The following KLHL32 variants were observed in gnomAD, a reference collection of about 807,000 sequenced individuals.
KLHL32 encodes kelch like family member 32.
Under a neutral mutation model 64.8 loss-of-function variants are expected in KLHL32, and 35 were observed. The ratio of observed to expected loss-of-function variants is 0.54; its 90% CI spans 0.41 to 0.72. KLHL32 has a LOEUF of 0.72. Ranked by LOEUF, KLHL32 falls within the 30% of genes least tolerant of loss-of-function variation. The pLI, the probability that KLHL32 is intolerant of heterozygous loss-of-function variation, is 0.00. For synonymous variants in KLHL32, 259 were observed against 281.0 expected (o/e 0.92, Z 0.78); for missense variants, 589 against 768.5 (o/e 0.77, Z 2.76).
intron 1 of KLHL32, among the ~76,000 whole-genome samples, chr6:96,930,307 A>G (rs1369149211): frequency 6.6e-6 from 1 of 152,192 alleles, no homozygotes; most frequent in Non-Finnish European, 1.5e-5. Context: ...AGTGCAAGGT[A>G]GCATGGCACA....
At chr6:96,959,622 AAC>A (rs1458190731) in intron 1 of KLHL32, among the ~76,000 whole-genome samples, 1 of 152,160 alleles carries the variant, frequency 6.6e-6, no homozygotes, top group Non-Finnish European at 1.5e-5. Context: ...CCAAATCTCC[AAC>A]ACAGTCACAT....
chr6:96,901,416 G>A, the KLHL32 span, among the ~76,000 whole-genome samples: 352 of 150,484 alleles, frequency 2.3e-3, 4 homozygotes, highest in Non-Finnish European at 4.2e-3. Context: ...TCACTTCATT[G>A]TCACATTTCC....
intron 3 of KLHL32, among the ~76,000 whole-genome samples, chr6:97,020,402 T>G (rs1055348439): frequency 2.0e-5 from 3 of 150,998 alleles, no homozygotes; most frequent in African/African-American, 7.4e-5. Context: ...CCAATAAACT[T>G]CAAAATCTTG....
At chr6:97,051,439 C>CA (rs1385908267) in intron 4 of KLHL32, among the ~76,000 whole-genome samples, 1 of 152,190 alleles carries the variant, frequency 6.6e-6, no homozygotes, top group Non-Finnish European at 1.5e-5. Flanking sequence ...GTAGAAATGG[C>CA]GAGTATCCAG....
intron 3 of KLHL32, among the ~76,000 whole-genome samples, chr6:97,014,722 G>A (rs1385777162): frequency 1.3e-5 from 2 of 152,174 alleles, no homozygotes; most frequent in Non-Finnish European, 2.9e-5. Flanking sequence ...AAGTAACCCA[G>A]CTAAGGTCAT....
At chr6:97,052,204 G>A (rs1322532452) in intron 4 of KLHL32, among the ~76,000 whole-genome samples, 2 of 152,190 alleles carry the variant, frequency 1.3e-5, no homozygotes, top group Non-Finnish European at 2.9e-5. Flanking sequence ...TAATGAAGTA[G>A]TCTCCTGTCT....
In KLHL32 at chr6:97,139,324, C is replaced by T. The variant is rs1298301483; in HGVS notation, c.*42C>T. Reference sequence around the variant, plus strand: ...GAACAGGAGGAAAACATAGCTCTGACTGTTGGATACTGGGCATGAAAAGAC... The same window carrying T: ...GAACAGGAGGAAAACATAGCTCTGATTGTTGGATACTGGGCATGAAAAGAC... On this transcript the variant is annotated 3_prime_UTR_variant, in exon 11 of 11. Coordinates refer to ENST00000369261, the MANE Select transcript of KLHL32 (RefSeq NM_052904.4). The T allele has an allele frequency of 2.0e-6, 3 of 1,528,744 alleles. No individual in the cohort carries two copies. Among genetic ancestry groups the T allele is most frequent in the South Asian group, 2.4e-5 (2 of 84,320 alleles). The allele number at this position is 1,528,744 out of a possible 1,614,324, so 94.7% of individuals were successfully genotyped here.
At chr6:97,092,436 A>G (rs1201472285) in intron 6 of KLHL32, among the ~76,000 whole-genome samples, 1 of 152,180 alleles carries the variant, frequency 6.6e-6, no homozygotes, top group Non-Finnish European at 1.5e-5. Context: ...ACAAATTTGT[A>G]CCACTTCTTA....
chr6:96,960,308 C>T (rs558735851), intron 1 of KLHL32, among the ~76,000 whole-genome samples: 1 of 152,252 alleles, frequency 6.6e-6, no homozygotes, highest in South Asian at 2.1e-4. Flanking sequence ...GAACAATTCT[C>T]GTTTACCGTA....
intron 6 of KLHL32, among the ~76,000 whole-genome samples, chr6:97,098,708 A>G (rs368022122): frequency 6.6e-6 from 1 of 152,222 alleles, no homozygotes; most frequent in Admixed American, 6.5e-5. Context: ...TAAAAAATAA[A>G]TGAGAATGGG....
intron 7 of KLHL32, among the ~76,000 whole-genome samples, chr6:97,116,008 C>T (rs1264707692): frequency 6.6e-6 from 1 of 151,944 alleles, no homozygotes; most frequent in East Asian, 1.9e-4. Flanking sequence ...TTCTGCTGTC[C>T]TCAATAACCA....
At chr6:97,084,552 A>G (rs914301058) in intron 5 of KLHL32, among the ~76,000 whole-genome samples, 5 of 152,250 alleles carry the variant, frequency 3.3e-5, no homozygotes, top group East Asian at 1.9e-4. Context: ...AATTATTCAA[A>G]CAGGAGTCTT....
chr6:96,947,331 G>A (rs2128005729), intron 1 of KLHL32, among the ~76,000 whole-genome samples: 1 of 152,298 alleles, frequency 6.6e-6, no homozygotes, highest in South Asian at 2.1e-4. Flanking sequence ...TCCAAGTGAT[G>A]CCCAATTCAT....
At position 97,130,762 on chromosome 6, in the gene KLHL32, G is replaced by A. The variant is rs773594940; in HGVS notation, c.1419G>A (p.Lys473=). 9 of 1,601,212 alleles carry A rather than the reference G, an allele frequency of 5.6e-6. No homozygotes were observed. The East Asian group carries it at 2.0e-4, about 36-fold the overall frequency. ...ACTTAAATTTCTTTTTTCAGAATAA[G>A]TGGATAAGCCGTAGCCCCATGCTGC... ...RLMVYEPNQN[K]WISRSPMLQR... Residue 473 remains lysine, a synonymous_variant, in exon 9 of 11, where the codon AAG becomes AAA. Transcript: ENST00000369261.
intron 5 of KLHL32, among the ~76,000 whole-genome samples, chr6:97,081,992 T>C (rs1288261994): frequency 1.3e-5 from 2 of 152,220 alleles, no homozygotes; most frequent in Non-Finnish European, 2.9e-5. Context: ...TTACTGAGTT[T>C]GGACTTTTTC....
intron 5 of KLHL32, among the ~76,000 whole-genome samples, chr6:97,083,202 C>T (rs1195032002): frequency 6.6e-6 from 1 of 152,048 alleles, no homozygotes; most frequent in Non-Finnish European, 1.5e-5. Flanking sequence ...CCAGCCTGAC[C>T]AATATGGTGA....
At chr6:97,089,572 A>T (rs1276628559) in intron 6 of KLHL32, among the ~76,000 whole-genome samples, 1 of 152,158 alleles carries the variant, frequency 6.6e-6, no homozygotes, top group Non-Finnish European at 1.5e-5. Context: ...TGAGGTCAGG[A>T]ATTTGAAACC....
chr6:97,077,012 G>C (rs922474173), intron 5 of KLHL32, among the ~76,000 whole-genome samples: 1 of 152,032 alleles, frequency 6.6e-6, no homozygotes, highest in African/African-American at 2.4e-5. Context: ...ATCAAAACTT[G>C]CTAGGTAGCC....
At chr6:96,992,345 C>T (rs928186737) in intron 3 of KLHL32, among the ~76,000 whole-genome samples, 2 of 152,210 alleles carry the variant, frequency 1.3e-5, no homozygotes, top group East Asian at 1.9e-4. Flanking sequence ...CGCCTCTCCC[C>T]GGTGGGCAGT....
Sources: allele counts gnomAD v4.1 joint callset (sites outside exome capture counted in the v4.1 genomes callset), GRCh38; gene constraint gnomAD v4.1.1; transcripts MANE v1.5; gene names NCBI Gene and HGNC (gene_info 2026-07-23, HGNC 2026-07-21).